Variants in TRPC7 observed in about 807,000 individuals in gnomAD.
TRPC7 encodes the protein short transient receptor potential channel 7.
A neutral mutation model predicts 90.1 loss-of-function variants in TRPC7; 42 were observed. That is an observed-to-expected ratio of 0.47 (90% confidence interval 0.36 to 0.60). The LOEUF (loss-of-function observed/expected upper bound fraction) is 0.60. Ranked by LOEUF, TRPC7 falls within the 20% of genes least tolerant of loss-of-function variation. The probability of loss-of-function intolerance (pLI) is 0.00; values close to 1 mark genes in which losing one functional copy is unlikely to be tolerated. For synonymous variants in TRPC7, 451 were observed against 436.3 expected (o/e 1.03, Z -0.42); for missense variants, 955 against 1,112.3 (o/e 0.86, Z 2.01).
At chr5:136,281,433 T>C (rs1324147862) in intron 3 of TRPC7, among the ~76,000 whole-genome samples, 1 of 152,206 alleles carries the variant, frequency 6.6e-6, no homozygotes, top group Non-Finnish European at 1.5e-5. Flanking sequence ...AACAATCACT[T>C]TGCTGAAGGA....
intron 3 of TRPC7, among the ~76,000 whole-genome samples, chr5:136,315,156 A>T (rs1283696251): frequency 6.6e-6 from 1 of 152,184 alleles, no homozygotes; most frequent in East Asian, 1.9e-4. Flanking sequence ...TAAGCTCTTT[A>T]CATTAATACA....
At chr5:136,288,629 C>T (rs1429619802) in intron 3 of TRPC7, among the ~76,000 whole-genome samples, 1 of 152,076 alleles carries the variant, frequency 6.6e-6, no homozygotes, top group East Asian at 1.9e-4. Context: ...AACAATTTGC[C>T]CAAGCTGATG....
At chr5:136,221,459 G>A (rs1755458524) in intron 10 of TRPC7, among the ~76,000 whole-genome samples, 1 of 152,230 alleles carries the variant, frequency 6.6e-6, no homozygotes, top group African/African-American at 2.4e-5. Context: ...TCTGGCCGCT[G>A]ATGGTGAAGG....
At chr5:136,284,093 G>A (rs1443253592) in intron 3 of TRPC7, among the ~76,000 whole-genome samples, 3 of 152,176 alleles carry the variant, frequency 2.0e-5, no homozygotes, top group Non-Finnish European at 4.4e-5. Context: ...CAAGAAATGT[G>A]GAAATTCATC....
chr5:136,237,472 G>A (rs545642817), intron 7 of TRPC7, among the ~76,000 whole-genome samples: 1 of 152,166 alleles, frequency 6.6e-6, no homozygotes, highest in East Asian at 1.9e-4. Context: ...CTGAATAAAC[G>A]AATGAATGAA....
intron 3 of TRPC7, among the ~76,000 whole-genome samples, chr5:136,297,519 A>T (rs1312155673): frequency 1.3e-5 from 2 of 152,164 alleles, no homozygotes; most frequent in African/African-American, 4.8e-5. Flanking sequence ...CTATAAAAAT[A>T]TTAATTTGTA....
Position 136,265,762 on chromosome 5 carries a change from C to T in TRPC7, c.1345+458G>A, listed in dbSNP as rs190595736. 6.6e-5 allele frequency among the ~76,000 whole-genome samples: 10 copies of T among 152,074 alleles called. 1 individual carries two copies. The highest frequency in any genetic ancestry group is 2.6e-4 in the Admixed American group (4 of 15,260). On this transcript the variant is annotated intron_variant, in intron 5 of 11. Coordinates refer to ENST00000513104, the MANE Select transcript of TRPC7 (RefSeq NM_020389.3). ...ACAAATAACAAGAAAATGTTACTCCCGTGAATTTTTAGATGTATATTTATT... is the reference window on the plus strand; with the variant it reads ...ACAAATAACAAGAAAATGTTACTCCTGTGAATTTTTAGATGTATATTTATT...
chr5:136,347,852 C>A (rs1204365400), intron 2 of TRPC7, among the ~76,000 whole-genome samples: 2 of 152,190 alleles, frequency 1.3e-5, no homozygotes, highest in Non-Finnish European at 2.9e-5. Flanking sequence ...CACTGTGAAG[C>A]ACTGAGAGGT....
intron 10 of TRPC7, among the ~76,000 whole-genome samples, chr5:136,224,699 G>A (rs955259701): frequency 2.0e-5 from 3 of 152,174 alleles, no homozygotes; most frequent in Non-Finnish European, 2.9e-5. Context: ...TTCTTAAAGC[G>A]CGAATACAAT....
intron 1 of TRPC7, among the ~76,000 whole-genome samples, chr5:136,359,076 A>T (rs1760479346): frequency 6.6e-6 from 1 of 152,196 alleles, no homozygotes; most frequent in African/African-American, 2.4e-5. Flanking sequence ...ATTAAATCCA[A>T]TTTTTTGAGA....
At chr5:136,292,378 A>G (rs1216775430) in intron 3 of TRPC7, among the ~76,000 whole-genome samples, 1 of 151,986 alleles carries the variant, frequency 6.6e-6, no homozygotes, top group African/African-American at 2.4e-5. Context: ...AAAGATCAAC[A>G]AAATTGATAG....
chr5:136,220,969 T>C (rs1051086368), intron 10 of TRPC7, among the ~76,000 whole-genome samples: 3 of 152,052 alleles, frequency 2.0e-5, no homozygotes, highest in African/African-American at 7.2e-5. Flanking sequence ...TGGGGGCTGG[T>C]TCCCCTGATA....
At chr5:136,220,697 T>C (rs1224278468) in intron 10 of TRPC7, among the ~76,000 whole-genome samples, 1 of 152,226 alleles carries the variant, frequency 6.6e-6, no homozygotes, top group African/African-American at 2.4e-5. Flanking sequence ...GTGATCTTTA[T>C]TGGCCTCAGA....
chr5:136,301,503 T>C (rs1758385683), intron 3 of TRPC7, among the ~76,000 whole-genome samples: 3 of 152,074 alleles, frequency 2.0e-5, no homozygotes, highest in South Asian at 4.1e-4. Context: ...CATTCCACCA[T>C]TGTGATTTGT....
intron 11 of TRPC7, chr5:136,214,138 AG>A (rs1442267219): frequency 6.5e-6 from 1 of 152,974 alleles, no homozygotes; most frequent in Non-Finnish European, 1.5e-5. Flanking sequence ...TGGCCACCTG[AG>A]CACGGTCCAC....
intron 2 of TRPC7, among the ~76,000 whole-genome samples, chr5:136,319,590 G>C (rs1759129423): frequency 6.6e-6 from 1 of 151,990 alleles, no homozygotes; most frequent in Non-Finnish European, 1.5e-5. Context: ...TGCCCTCCTT[G>C]TACCCTTTCT....
chr5:136,249,865 G>A (rs1756463858), intron 6 of TRPC7, among the ~76,000 whole-genome samples: 1 of 152,184 alleles, frequency 6.6e-6, no homozygotes, highest in Non-Finnish European at 1.5e-5. Flanking sequence ...CCACAAGAGG[G>A]CTCTCCTGCC....
intron 8 of TRPC7, among the ~76,000 whole-genome samples, chr5:136,227,219 G>A (rs944015503): frequency 6.6e-6 from 1 of 152,124 alleles, no homozygotes; most frequent in Non-Finnish European, 1.5e-5. Flanking sequence ...ATTTTGTCTA[G>A]ACAGGTTCCT....
chr5:136,242,263 C>T (rs150772473), intron 7 of TRPC7, among the ~76,000 whole-genome samples: 1 of 152,162 alleles, frequency 6.6e-6, no homozygotes, highest in Non-Finnish European at 1.5e-5. Context: ...TTTTTCCTTT[C>T]CTCACCTGTG....
Sources: gnomAD v4.1 joint callset for allele counts (sites outside exome capture counted in the v4.1 genomes callset) on GRCh38, gnomAD v4.1.1 for gene constraint, MANE v1.5 for transcripts, NCBI Gene and HGNC (gene_info 2026-07-23, HGNC 2026-07-21) for gene names.